Variants in MICU1 observed in about 807,000 individuals in gnomAD.
MICU1 encodes the protein mitochondrial calcium uptake 1.
In MICU1, 45 loss-of-function variants were observed where a neutral mutation model predicts 56.8. The observed-to-expected ratio is 0.79, with a 90% CI of 0.62 to 1.02. The LOEUF (loss-of-function observed/expected upper bound fraction) is 1.02, where lower values mean the gene tolerates loss of function less well. Among genes scored for constraint, MICU1 ranks in the 50% least tolerant of loss-of-function variants. The pLI, the probability that MICU1 is intolerant of heterozygous loss-of-function variation, is 0.00. For missense variants in MICU1, 504 were observed against 587.1 expected (o/e 0.86, Z 1.46); for synonymous variants, 186 against 195.1 (o/e 0.95, Z 0.39).
chr10:72,456,206 CTA>C (rs1865452860), intron 8 of MICU1, among the ~76,000 whole-genome samples: 1 of 152,200 alleles, frequency 6.6e-6, no homozygotes, highest in Non-Finnish European at 1.5e-5. Flanking sequence ...GAGTCTAACA[CTA>C]TGATCCTGGA....
chr10:72,545,727 C>T (rs911028253), intron 4 of MICU1, among the ~76,000 whole-genome samples: 2 of 152,278 alleles, frequency 1.3e-5, no homozygotes, highest in African/African-American at 2.4e-5. Context: ...TCCTCAGGAT[C>T]AGACAAAGAC....
intron 1 of MICU1, among the ~76,000 whole-genome samples, chr10:72,604,271 C>CTTTTTT (rs869141348): frequency 7.8e-6 from 1 of 128,730 alleles, no homozygotes; most frequent in Non-Finnish European, 1.6e-5. Flanking sequence ...CTTTCCTGCC[C>CTTTTTT]TTTTTTTTTT....
intron 10 of MICU1, among the ~76,000 whole-genome samples, chr10:72,377,889 T>C (rs979411042): frequency 1.1e-4 from 17 of 152,194 alleles, no homozygotes; most frequent in Non-Finnish European, 2.2e-4. Context: ...TCACTTTGCC[T>C]CTATCACCTC....
chr10:72,461,006 C>T (rs537667243), intron 8 of MICU1, among the ~76,000 whole-genome samples: 3 of 152,118 alleles, frequency 2.0e-5, no homozygotes, highest in South Asian at 2.1e-4. Flanking sequence ...ACTCAGACAC[C>T]GTGGACATCA....
intron 8 of MICU1, among the ~76,000 whole-genome samples, chr10:72,450,726 CTTTT>C (rs34091247): frequency 1.6e-5 from 2 of 128,780 alleles, no homozygotes; most frequent in Non-Finnish European, 1.7e-5. Context: ...TTTTTTAATT[CTTTT>C]TTTTTTTTTT....
At chr10:72,600,779 A>C (rs778976868) in intron 1 of MICU1, among the ~76,000 whole-genome samples, 11 of 152,208 alleles carry the variant, frequency 7.2e-5, no homozygotes, top group Non-Finnish European at 1.6e-4. Context: ...TTGTGAGTAG[A>C]AGACATAAAC....
chr10:72,512,107 G>GTTTTTTTTTTT (rs869183579), intron 5 of MICU1, among the ~76,000 whole-genome samples: 7 of 29,524 alleles, frequency 2.4e-4, no homozygotes, highest in African/African-American at 6.5e-4. Context: ...GTTGTTTTTT[G>GTTTTTTTTTTT]TTTTTTTTTT....
At chr10:72,593,515 C>G (rs1378612024) in intron 1 of MICU1, among the ~76,000 whole-genome samples, 1 of 110,828 alleles carries the variant, frequency 9.0e-6, no homozygotes, top group Non-Finnish European at 2.0e-5. Flanking sequence ...CAGTCGGACT[C>G]TGTCTCCAAA....
At chr10:72,509,377 C>T in intron 5 of MICU1, 3 of 1,335,400 alleles carry the variant, frequency 2.2e-6, no homozygotes, top group Non-Finnish European at 3.0e-6. Flanking sequence ...CATCCAGTTA[C>T]ACAACTATCC....
rs762678808 is a variant in MICU1 at position 72,477,190 on chromosome 10, A to G, written c.719T>C (p.Met240Thr). Reference protein sequence around the residue: ...FDLNGDGEVDMEEFEQVQSII... With the variant: ...FDLNGDGEVDTEEFEQVQSII... The stretch of plus-strand genomic sequence containing the variant: ...ACAACTTGCCTGTTCAAATTCTTCC[A>G]TATCTACTTCTCCATCTCCATTCAA... Residue 240 changes from methionine to threonine, a missense_variant, in exon 7 of 12, where the codon ATG (methionine) becomes ACG (threonine). By Grantham distance (81) the Met-to-Thr change is moderately conservative. Coordinates refer to ENST00000361114, the MANE Select transcript of MICU1 (RefSeq NM_001195518.2). The G allele has an allele frequency of 1.9e-6, 3 of 1,548,304 alleles. No homozygotes were observed. Among genetic ancestry groups the G allele is most frequent in the East Asian group, 2.4e-5 (1 of 40,974 alleles).
At chr10:72,462,518 T>C (rs1460359725) in intron 8 of MICU1, among the ~76,000 whole-genome samples, 1 of 152,230 alleles carries the variant, frequency 6.6e-6, no homozygotes, top group Non-Finnish European at 1.5e-5. Context: ...TGTTTGAATA[T>C]ATACTACACA....
chr10:72,607,861 T>A (rs935666758), intron 1 of MICU1, among the ~76,000 whole-genome samples: 1 of 151,592 alleles, frequency 6.6e-6, no homozygotes, highest in Admixed American at 6.6e-5. Context: ...GTGGGGGGGG[T>A]CTACACTAAC....
At chr10:72,423,186 C>A in intron 9 of MICU1, 48 bp downstream of exon 9, 1 of 1,587,506 alleles carries the variant, frequency 6.3e-7, no homozygotes, top group Non-Finnish European at 8.6e-7. Flanking sequence ...TAAATAATAA[C>A]CATACATTAC....
At chr10:72,591,303 CT>C (rs1312120537) in intron 1 of MICU1, among the ~76,000 whole-genome samples, 3 of 151,890 alleles carry the variant, frequency 2.0e-5, no homozygotes, top group Non-Finnish European at 4.4e-5. Flanking sequence ...AACAACCTAA[CT>C]TTACAACTCA....
chr10:72,403,629 TTGTGTGTGTG>T (rs60373032), intron 10 of MICU1, among the ~76,000 whole-genome samples: 172 of 139,928 alleles, frequency 1.2e-3, no homozygotes, highest in East Asian at 3.5e-3. Context: ...CATACCAAAA[TTGTGTGTGTG>T]TGTGTGTGTG....
At chr10:72,520,561 G>A (rs552656069) in intron 5 of MICU1, among the ~76,000 whole-genome samples, 1 of 152,084 alleles carries the variant, frequency 6.6e-6, no homozygotes, top group Admixed American at 6.5e-5. Context: ...GAAGGTGAAT[G>A]CTTAAGATAC....
chr10:72,510,980 T>C (rs1401312401), intron 5 of MICU1, among the ~76,000 whole-genome samples: 4 of 152,174 alleles, frequency 2.6e-5, no homozygotes, highest in African/African-American at 4.8e-5. Context: ...ATAATTTCCT[T>C]TATAGCTATT....
intron 4 of MICU1, among the ~76,000 whole-genome samples, chr10:72,545,331 C>T (rs1589326847): frequency 6.6e-6 from 1 of 152,148 alleles, no homozygotes; most frequent in East Asian, 1.9e-4. Flanking sequence ...AGGACCATAA[C>T]CAGTGACACG....
At chr10:72,447,520 G>A (rs1865142241) in intron 8 of MICU1, among the ~76,000 whole-genome samples, 1 of 151,874 alleles carries the variant, frequency 6.6e-6, no homozygotes, top group African/African-American at 2.4e-5. Context: ...ATAAAAAGAA[G>A]AAAAAGAAAA....
Sources: allele counts gnomAD v4.1 joint callset (sites outside exome capture counted in the v4.1 genomes callset), GRCh38; gene constraint gnomAD v4.1.1; transcripts MANE v1.5; gene names NCBI Gene and HGNC (gene_info 2026-07-23, HGNC 2026-07-21).